Variants in SSH2 observed in about 807,000 individuals in gnomAD.
The protein encoded by SSH2 is protein phosphatase Slingshot homolog 2.
Under a neutral mutation model 135.2 loss-of-function variants are expected in SSH2, and 37 were observed. That is an observed-to-expected ratio of 0.27 (90% CI 0.21 to 0.36). The LOEUF (loss-of-function observed/expected upper bound fraction) is 0.36, where lower values mean the gene tolerates loss of function less well. SSH2 is among the 10% of genes least tolerant of loss of function. The pLI is 1.00. For synonymous variants in SSH2, 628 were observed against 646.2 expected (o/e 0.97, Z 0.43); for missense variants, 1,408 against 1,765.3 (o/e 0.80, Z 3.63).
intron 1 of SSH2, among the ~76,000 whole-genome samples, chr17:29,913,341 A>ATTATAT (rs2066803402): frequency 2.1e-5 from 1 of 47,652 alleles, no homozygotes; most frequent in Non-Finnish European, 4.4e-5. Context: ...AAAAAAAAAA[A>ATTATAT]AAAAAAATAT....
intron 3 of SSH2, among the ~76,000 whole-genome samples, chr17:29,710,110 G>A (rs979256600): frequency 2.6e-5 from 4 of 152,194 alleles, no homozygotes; most frequent in Non-Finnish European, 5.9e-5. Context: ...GATCATCCAT[G>A]ACCAGCAGGA....
At chr17:29,744,885 G>GTGTGTGTT (rs1555625856) in intron 3 of SSH2, among the ~76,000 whole-genome samples, 4,387 of 151,614 alleles carry the variant, frequency 0.029, 80 homozygotes, top group Middle Eastern at 0.051. Context: ...GTGTGTGTGT[G>GTGTGTGTT]TGTGTGTGTG....
At chr17:29,855,909 A>C (rs1443753717) in intron 1 of SSH2, 1 of 243,934 alleles carries the variant, frequency 4.1e-6, no homozygotes, top group Non-Finnish European at 7.9e-6. Flanking sequence ...CTTGGAAAAG[A>C]AGAGGCGCTA....
chr17:29,917,390 G>A (rs941129672), intron 1 of SSH2, among the ~76,000 whole-genome samples: 8 of 152,204 alleles, frequency 5.3e-5, no homozygotes, highest in African/African-American at 1.9e-4. Context: ...GTACACATTT[G>A]GTTTGTGCCT....
At chr17:29,913,347 A>AATTATATATATATAT (rs1555543500) in intron 1 of SSH2, among the ~76,000 whole-genome samples, 3 of 28,786 alleles carry the variant, frequency 1.0e-4, no homozygotes, top group Non-Finnish European at 5.9e-5. Context: ...AAAAAAAAAA[A>AATTATATATATATAT]ATATATATAT....
chr17:29,755,411 G>A (rs1302524185), intron 3 of SSH2, among the ~76,000 whole-genome samples: 1 of 151,946 alleles, frequency 6.6e-6, no homozygotes, highest in African/African-American at 2.4e-5. Context: ...ACCATATTTG[G>A]TGAGTTTTAT....
chr17:29,687,032 A>AATAAC (rs1268165132), intron 5 of SSH2, among the ~76,000 whole-genome samples: 1 of 152,352 alleles, frequency 6.6e-6, no homozygotes, highest in East Asian at 1.9e-4. Flanking sequence ...TTCTGTATAA[A>AATAAC]ATAACCCCTA....
intron 1 of SSH2, among the ~76,000 whole-genome samples, chr17:29,880,439 C>A (rs2066116962): frequency 6.6e-6 from 1 of 152,176 alleles, no homozygotes. Flanking sequence ...CCACACCAGG[C>A]CCATTTTTTT....
intron 1 of SSH2, among the ~76,000 whole-genome samples, chr17:29,866,264 A>T (rs1280936436): frequency 6.6e-6 from 1 of 152,234 alleles, no homozygotes; most frequent in Non-Finnish European, 1.5e-5. Flanking sequence ...TCTCACAGAA[A>T]CATTCCTAAC....
chr17:29,820,058 A>G (rs2042626328), intron 2 of SSH2, among the ~76,000 whole-genome samples: 1 of 151,922 alleles, frequency 6.6e-6, no homozygotes, highest in African/African-American at 2.4e-5. Flanking sequence ...AGGTGTACTC[A>G]TCTTGCTCTT....
intron 6 of SSH2, among the ~76,000 whole-genome samples, chr17:29,678,228 G>A (rs2037811039): frequency 6.6e-6 from 1 of 152,010 alleles, no homozygotes; most frequent in African/African-American, 2.4e-5. Flanking sequence ...CCAGTAGCTG[G>A]GATTACAGGC....
chr17:29,919,971 G>A (rs1282065403), intron 1 of SSH2, among the ~76,000 whole-genome samples: 2 of 152,060 alleles, frequency 1.3e-5, no homozygotes, highest in Admixed American at 6.5e-5. Context: ...GTGCAATGGC[G>A]TGATCTCAGC....
At chr17:29,752,840 GA>G (rs36083993) in intron 3 of SSH2, among the ~76,000 whole-genome samples, 40 of 141,402 alleles carry the variant, frequency 2.8e-4, no homozygotes, top group East Asian at 6.2e-4. Context: ...TCAAATCACA[GA>G]AAAAAAAAAA....
At chr17:29,795,774 T>G (rs1231296314) in intron 2 of SSH2, among the ~76,000 whole-genome samples, 1 of 152,178 alleles carries the variant, frequency 6.6e-6, no homozygotes, top group African/African-American at 2.4e-5. Context: ...GTTGTCTCAC[T>G]CTTGTCACCC....
At chr17:29,742,562 G>C (rs1043300481) in intron 3 of SSH2, among the ~76,000 whole-genome samples, 2 of 131,660 alleles carry the variant, frequency 1.5e-5, no homozygotes, top group African/African-American at 5.9e-5. Flanking sequence ...TTGAACTCTT[G>C]GGCCCAAGCA....
intron 1 of SSH2, among the ~76,000 whole-genome samples, chr17:29,878,226 G>A (rs1395093864): frequency 6.6e-6 from 1 of 152,060 alleles, no homozygotes; most frequent in Non-Finnish European, 1.5e-5. Context: ...TCAGGAGTTC[G>A]AGACTAGCCT....
At chr17:29,718,348 G>A (rs891660216) in intron 3 of SSH2, among the ~76,000 whole-genome samples, 1 of 151,974 alleles carries the variant, frequency 6.6e-6, no homozygotes, top group Non-Finnish European at 1.5e-5. Flanking sequence ...CACACTTATG[G>A]CTATCACCAT....
Position 29,636,028 on chromosome 17 carries a change from G to A in SSH2, c.2202C>T (p.Ser734=), listed in dbSNP as rs1282686346. The change falls in exon 15 of 16, where the codon AGC becomes AGT. Residue 734 remains serine, a synonymous_variant. Transcript: ENST00000540801. ...ATGCATGGGGAGTATTACTCAAAGA[G>A]CTGCTTCTCTGGTCATCAGCTGTCA... ...SKVTADDQRS[S]SLSNTPHASE... The A allele has an allele frequency of 6.2e-7, 1 of 1,614,188 alleles. No homozygotes were observed. The highest frequency in any genetic ancestry group is 2.2e-5 in the East Asian group (1 of 44,884).
At chr17:29,680,549 C>A (rs71371128) in intron 6 of SSH2, among the ~76,000 whole-genome samples, 1 of 12,276 alleles carries the variant, frequency 8.1e-5, no homozygotes. Context: ...AAGACTCCCT[C>A]TCAAAAAAAA....
Sources: allele counts gnomAD v4.1 joint callset (sites outside exome capture counted in the v4.1 genomes callset), GRCh38; gene constraint gnomAD v4.1.1; transcripts MANE v1.5; gene names NCBI Gene and HGNC (gene_info 2026-07-23, HGNC 2026-07-21).